LRMDA: variants seen among roughly 807,000 people sequenced by gnomAD.
LRMDA encodes leucine-rich melanocyte differentiation-associated protein.
In LRMDA, 18 loss-of-function variants were observed where a neutral mutation model predicts 29.8. The ratio of observed to expected loss-of-function variants is 0.60; its 90% CI spans 0.42 to 0.90. LRMDA has a LOEUF of 0.90. Ranked by LOEUF, LRMDA falls within the 40% of genes least tolerant of loss-of-function variation. The pLI, the probability that LRMDA is intolerant of heterozygous loss-of-function variation, is 0.00. For synonymous variants in LRMDA, 125 were observed against 109.4 expected (o/e 1.14, Z -0.89); for missense variants, 273 against 273.9 (o/e 1.00, Z 0.02).
chr10:76,310,267 A>G (rs1275786797), intron 5 of LRMDA, among the ~76,000 whole-genome samples: 1 of 152,214 alleles, frequency 6.6e-6, no homozygotes, highest in Non-Finnish European at 1.5e-5. Flanking sequence ...AAAAGTTGGA[A>G]TTGGCCAGGC....
intron 5 of LRMDA, among the ~76,000 whole-genome samples, chr10:76,202,509 C>T (rs979565430): frequency 2.0e-5 from 3 of 151,902 alleles, no homozygotes; most frequent in Non-Finnish European, 4.4e-5. Flanking sequence ...ATTTGGAATC[C>T]GGATGCTGGA....
chr10:75,945,562 C>T (rs566100674), intron 2 of LRMDA, among the ~76,000 whole-genome samples: 25 of 152,218 alleles, frequency 1.6e-4, no homozygotes, highest in Non-Finnish European at 3.2e-4. Flanking sequence ...GGTTTCTTTC[C>T]GGTACCCACA....
chr10:76,533,592 T>A (rs904273162), intron 6 of LRMDA, among the ~76,000 whole-genome samples: 3 of 152,192 alleles, frequency 2.0e-5, no homozygotes, highest in African/African-American at 7.2e-5. Context: ...TCATTTGTTT[T>A]TAATTTTCAG....
intron 2 of LRMDA, among the ~76,000 whole-genome samples, chr10:75,489,134 G>A (rs377252658): frequency 8.6e-5 from 13 of 150,604 alleles, no homozygotes; most frequent in African/African-American, 3.2e-4. Context: ...TTGCTGAACC[G>A]CCTCGACCAT....
At chr10:76,355,741 G>A (rs886182725) in intron 6 of LRMDA, among the ~76,000 whole-genome samples, 4 of 152,184 alleles carry the variant, frequency 2.6e-5, no homozygotes, top group Non-Finnish European at 4.4e-5. Context: ...TGTATGAAGT[G>A]TAAAGAGTTG....
At position 75,668,468 on chromosome 10, in the gene LRMDA, A is replaced by G. The variant is rs76073965; in HGVS notation, c.131+229974A>G. 9.7e-3 allele frequency among the ~76,000 whole-genome samples: 1,476 copies of G among 152,282 alleles called. 24 individuals are homozygous for G. Among genetic ancestry groups the G allele is most frequent in the African/African-American group, 0.034 (1,400 of 41,548 alleles). On this transcript the variant is annotated intron_variant, in intron 2 of 6. Coordinates refer to ENST00000611255, the MANE Select transcript of LRMDA (RefSeq NM_001305581.2). ...TGTCTGCCATTTTGCACCAGCTGTC[A>G]GGAAACATTTGTTGGTTGGGTCGGT...
chr10:75,482,776 TATG>T (rs1165212727), intron 2 of LRMDA, among the ~76,000 whole-genome samples: 1 of 152,186 alleles, frequency 6.6e-6, no homozygotes, highest in Non-Finnish European at 1.5e-5. Flanking sequence ...CTGAAACAAA[TATG>T]ATAGCTTTTT....
At chr10:75,859,255 T>C (rs185112160) in intron 2 of LRMDA, among the ~76,000 whole-genome samples, 68 of 152,260 alleles carry the variant, frequency 4.5e-4, no homozygotes, top group Non-Finnish European at 7.9e-4. Context: ...AATCATAGGG[T>C]TTGCACATTT....
At chr10:76,338,418 A>G (rs1049889349) in intron 6 of LRMDA, among the ~76,000 whole-genome samples, 2 of 152,010 alleles carry the variant, frequency 1.3e-5, no homozygotes, top group Non-Finnish European at 2.9e-5. Context: ...TGGATGTAGA[A>G]CTAGCTTCAG....
chr10:75,967,488 AACTT>A (rs1351456022), intron 2 of LRMDA, among the ~76,000 whole-genome samples: 1 of 152,214 alleles, frequency 6.6e-6, no homozygotes, highest in Admixed American at 6.5e-5. Context: ...AATCGCAAAG[AACTT>A]ACTTAAAATT....
chr10:75,732,305 G>A (rs1423546560), intron 2 of LRMDA, among the ~76,000 whole-genome samples: 1 of 152,136 alleles, frequency 6.6e-6, no homozygotes, highest in Non-Finnish European at 1.5e-5. Context: ...CAATTGATGC[G>A]GAAGACCAAA....
At chr10:75,624,609 G>A (rs981584607) in intron 2 of LRMDA, among the ~76,000 whole-genome samples, 1 of 152,092 alleles carries the variant, frequency 6.6e-6, no homozygotes, top group Non-Finnish European at 1.5e-5. Flanking sequence ...GATCTAGGAT[G>A]ATAGAATAAT....
At chr10:76,147,404 A>G (rs1294776743) in intron 5 of LRMDA, among the ~76,000 whole-genome samples, 1 of 151,836 alleles carries the variant, frequency 6.6e-6, no homozygotes, top group African/African-American at 2.4e-5. Context: ...TTTTTTCTCT[A>G]AACTTCTCTT....
chr10:75,996,077 T>C (rs1223383933), intron 2 of LRMDA, among the ~76,000 whole-genome samples: 1 of 152,206 alleles, frequency 6.6e-6, no homozygotes, highest in Non-Finnish European at 1.5e-5. Flanking sequence ...AGCCTGAATG[T>C]GTGTGTAAAA....
chr10:75,872,191 T>C (rs542489917), intron 2 of LRMDA, among the ~76,000 whole-genome samples: 1 of 152,332 alleles, frequency 6.6e-6, no homozygotes, highest in Admixed American at 6.5e-5. Flanking sequence ...CCACAGATCT[T>C]ATGGGTACAT....
chr10:75,668,302 C>T (rs907242096), intron 2 of LRMDA, among the ~76,000 whole-genome samples: 6 of 152,172 alleles, frequency 3.9e-5, no homozygotes, highest in African/African-American at 1.4e-4. Flanking sequence ...CCATAGTACA[C>T]ATTTCCTCTG....
chr10:76,188,869 A>C (rs1851193179), intron 5 of LRMDA, among the ~76,000 whole-genome samples: 1 of 151,662 alleles, frequency 6.6e-6, no homozygotes, highest in Admixed American at 6.6e-5. Flanking sequence ...AAAATTTCTC[A>C]GTTCTTCATA....
intron 2 of LRMDA, among the ~76,000 whole-genome samples, chr10:75,683,170 T>C (rs11593016): frequency 6.8e-4 from 104 of 152,314 alleles, no homozygotes; most frequent in Non-Finnish European, 1.0e-3. Context: ...TCAGATTTTA[T>C]CTGTAATTTT....
intron 2 of LRMDA, among the ~76,000 whole-genome samples, chr10:76,033,788 G>A (rs1283916733): frequency 6.6e-6 from 1 of 152,026 alleles, no homozygotes; most frequent in African/African-American, 2.4e-5. Flanking sequence ...GTCCTGAGAA[G>A]CCTTTTGGCA....
Sources: allele counts gnomAD v4.1 joint callset (sites outside exome capture counted in the v4.1 genomes callset), GRCh38; gene constraint gnomAD v4.1.1; transcripts MANE v1.5; gene names NCBI Gene and HGNC (gene_info 2026-07-23, HGNC 2026-07-21).